Variants in ZNF605 observed in about 807,000 individuals in gnomAD.
ZNF605 encodes zinc finger protein 605.
Under a neutral mutation model 7.9 loss-of-function variants are expected in ZNF605, and 9 were observed. The observed-to-expected ratio is 1.14, with a 90% CI of 0.68 to 1.98. ZNF605 has a LOEUF of 1.98. Ranked by LOEUF, ZNF605 falls within the 30% of genes most tolerant of loss-of-function variation. ZNF605 has a pLI of 0.00. For synonymous variants in ZNF605, 255 were observed against 260.1 expected, an observed-to-expected ratio of 0.98 and a Z score of 0.19; for missense variants, 673 against 762.4, an observed-to-expected ratio of 0.88 and a Z score of 1.38.
intron 2 of ZNF605, among the ~76,000 whole-genome samples, chr12:132,947,621 T>A (rs979136200): frequency 6.6e-6 from 1 of 152,318 alleles, no homozygotes; most frequent in Admixed American, 6.5e-5. Context: ...CCTCGTTTAA[T>A]TTTTATTCAA....
chr12:132,927,107 T>C lies in ZNF605; in HGVS notation c.192A>G (p.Lys64=). 1.3e-6 allele frequency: 2 copies of C among 1,589,018 alleles called. No individual in the cohort carries two copies. The highest frequency in any genetic ancestry group is 2.2e-5 in the East Asian group (1 of 44,820). The change falls in exon 5 of 5, where the codon AAA becomes AAG. Residue 64 remains lysine (K), a synonymous_variant. Transcript: ENST00000360187. ...CATATTTATGGCCTCTCTCCATACT[T>C]TTAAGGTTGTCTTGATTATCTCGGA... The part of the protein sequence containing the change: ...MWLRDNQDNL[K]SMERGHKYDV...
intron 3 of ZNF605, among the ~76,000 whole-genome samples, chr12:132,938,961 T>C (rs1165401928): frequency 6.6e-6 from 1 of 151,808 alleles, no homozygotes; most frequent in Non-Finnish European, 1.5e-5. Context: ...CTGCGCTCGA[T>C]TTCTCACCGA....
At chr12:132,945,831 T>A in intron 2 of ZNF605, 34 bp from the exon 3 acceptor site, 1 of 744,650 alleles carries the variant, frequency 1.3e-6, no homozygotes, top group Non-Finnish European at 2.3e-6. Context: ...TTTTAGATGA[T>A]CTAATTAATT....
In ZNF605 at chr12:132,922,553, TA is replaced by T. The variant is rs1292396299; in HGVS notation, c.*2819del. On this transcript the variant is annotated 3_prime_UTR_variant, in exon 5 of 5. Coordinates refer to ENST00000360187, the MANE Select transcript of ZNF605 (RefSeq NM_183238.4). ...TGCGGCACTTGTACTGATAACTGATTATCACAATTTTATTAAATGCTCATCA... is the reference window on the plus strand; with the variant it reads ...TGCGGCACTTGTACTGATAACTGATTTCACAATTTTATTAAATGCTCATCA... The T allele has an allele frequency of 5.9e-5, 9 of 152,350 alleles. No homozygotes were observed. The East Asian group carries it at 1.7e-3, about 29-fold the overall frequency. The allele number at this position is 152,350 out of a possible 1,614,324, so 9.4% of individuals were successfully genotyped here. A position where few individuals can be genotyped will look rare whatever the true frequency, so the allele number is the denominator to read the frequency against.
At position 132,941,449 on chromosome 12, in the gene ZNF605, A is replaced by G. The variant is rs1952440191; in HGVS notation, c.15+4172T>C. On this transcript the variant is annotated intron_variant, in intron 3 of 4. Coordinates refer to ENST00000360187, the MANE Select transcript of ZNF605 (RefSeq NM_183238.4). This position sits in a 1 kb window ranked among gnomAD's most constrained non-coding sequence, Gnocchi z 5.1. Reference sequence around the variant, plus strand: ...CCCACACATTCCACTGACTTGGGCCACACTATCCAGGCCCGACATGACCAG... The same window carrying G: ...CCCACACATTCCACTGACTTGGGCCGCACTATCCAGGCCCGACATGACCAG... 6.6e-6 allele frequency among the ~76,000 whole-genome samples: 1 copy of G among 152,154 alleles called. No individual in the cohort carries two copies. Among genetic ancestry groups the G allele is most frequent in the Non-Finnish European group, 1.5e-5 (1 of 68,020 alleles).
rs550495034 is a variant in ZNF605, at chr12:132,921,119, A to G, written c.*4254T>C. 1 of 151,538 alleles carries G rather than the reference A, an allele frequency of 6.6e-6. No homozygotes were observed. Among genetic ancestry groups the G allele is most frequent in the Admixed American group, 6.6e-5 (1 of 15,186 alleles). 9.4% of individuals were successfully genotyped at this position (151,538 alleles called of 1,614,324 possible). On this transcript the variant is annotated 3_prime_UTR_variant, in exon 5 of 5. Transcript: ENST00000360187. ...TGGGATTACAGGCTTGCGTCACTGCACCCAGCCTCTCATGGCTAATTAAAT... is the reference window on the plus strand; with the variant it reads ...TGGGATTACAGGCTTGCGTCACTGCGCCCAGCCTCTCATGGCTAATTAAAT...
intron 3 of ZNF605, 101 bp downstream of exon 3, chr12:132,945,520 C>A (rs1236522044): frequency 2.0e-6 from 1 of 498,450 alleles, no homozygotes; most frequent in East Asian, 3.1e-5. Flanking sequence ...AAACCGATAA[C>A]CCACCTGTGA....
chr12:132,938,291 T>C (rs1401368944), intron 3 of ZNF605, among the ~76,000 whole-genome samples: 1 of 151,700 alleles, frequency 6.6e-6, no homozygotes, highest in Admixed American at 6.6e-5. Flanking sequence ...ATCCCATTTA[T>C]TTTTTTATTT....
intron 1 of ZNF605, among the ~76,000 whole-genome samples, chr12:132,954,543 C>G (rs904735964): frequency 1.7e-5 from 2 of 115,788 alleles, no homozygotes; most frequent in Admixed American, 9.6e-5. Context: ...CCAAGTCAGG[C>G]GCTCACAGAG....
At chr12:132,929,674 C>T (rs1048444091) in intron 4 of ZNF605, among the ~76,000 whole-genome samples, 5 of 152,108 alleles carry the variant, frequency 3.3e-5, no homozygotes, top group African/African-American at 7.2e-5. Context: ...AGGCCGGGTG[C>T]GGTGGCTCAC....
At chr12:132,944,305 C>CA (rs1231465785) in intron 3 of ZNF605, among the ~76,000 whole-genome samples, 2 of 151,350 alleles carry the variant, frequency 1.3e-5, no homozygotes, top group Non-Finnish European at 2.9e-5. Flanking sequence ...GACTGAACAT[C>CA]AAAAAAAGAA....
rs1375530440 is a variant in ZNF605, at chr12:132,927,093, C to T, written c.206G>A (p.Gly69Asp). 4.4e-6 allele frequency: 7 copies of T among 1,598,486 alleles called. No homozygotes were observed. In the East Asian group the frequency reaches 1.6e-4, roughly 36 times the overall value. ...NQDNLKSMER[G>D]HKYDVFGKIF... Reference sequence around the variant, plus strand: ...TTTTCCAAAAACATCATATTTATGGCCTCTCTCCATACTTTTAAGGTTGTC... The same window carrying T: ...TTTTCCAAAAACATCATATTTATGGTCTCTCTCCATACTTTTAAGGTTGTC... Residue 69 changes from glycine to aspartate, a missense_variant, in exon 5 of 5, where the codon GGC becomes GAC. Physicochemically the swap from Gly to Asp is moderately conservative, Grantham distance 94. Coordinates refer to ENST00000360187, the MANE Select transcript of ZNF605 (RefSeq NM_183238.4).
intron 3 of ZNF605, among the ~76,000 whole-genome samples, chr12:132,939,467 A>G (rs376831763): frequency 1.5e-4 from 23 of 152,150 alleles, no homozygotes; most frequent in Admixed American, 7.9e-4. Flanking sequence ...AGGTTTGTGA[A>G]TGCACCAATT....
chr12:132,951,972 C>T (rs1593606462), intron 1 of ZNF605, among the ~76,000 whole-genome samples: 2 of 151,192 alleles, frequency 1.3e-5, no homozygotes, highest in Admixed American at 6.7e-5. Context: ...CATACACACA[C>T]GTTCACACAC....
rs1422873230 is a variant in ZNF605, at chr12:132,938,761, A to G, written c.16-5606T>C. On this transcript the variant is annotated intron_variant, in intron 3 of 4. Transcript: ENST00000360187. ...TGCAGGGAGGTGTGGAGGGAGAGGC[A>G]CGAGCGGGAACCGGGGCTGTGTGCG... Among the ~76,000 whole-genome samples the G allele has an allele frequency of 6.6e-5, 10 of 152,128 alleles. No homozygotes were observed. The East Asian group carries it at 1.7e-3, about 27-fold the overall frequency.
chr12:132,946,861 C>T (rs753960100), intron 2 of ZNF605, among the ~76,000 whole-genome samples: 53 of 152,302 alleles, frequency 3.5e-4, no homozygotes, highest in Non-Finnish European at 6.5e-4. Flanking sequence ...CCTTCCCTCA[C>T]GCGCATCTCC....
At chr12:132,951,195 CACACTCAG>C in intron 1 of ZNF605, among the ~76,000 whole-genome samples, 1 of 151,774 alleles carries the variant, frequency 6.6e-6, no homozygotes, top group African/African-American at 2.4e-5. Flanking sequence ...GACATGCACA[CACACTCAG>C]ACACACTGAT....
In ZNF605 at chr12:132,920,295, T is replaced by C; in HGVS notation, c.*5078A>G. ...GCTGGGACTACAGGCGCTGGCCACC[T>C]CACCTGGCTAATTTTTTGTATTTTT... On this transcript the variant is annotated 3_prime_UTR_variant, in exon 5 of 5. Transcript: ENST00000360187. The C allele has an allele frequency of 6.6e-6, 1 of 152,044 alleles. No individual in the cohort carries two copies. The highest frequency in any genetic ancestry group is 1.5e-5 in the Non-Finnish European group (1 of 68,116). The allele number at this position is 152,044 out of a possible 1,614,324, so 9.4% of individuals were successfully genotyped here.
chr12:132,923,474 G>C lies in ZNF605; in HGVS notation c.*1899C>G, dbSNP rs1952220640. On this transcript the variant is annotated 3_prime_UTR_variant, in exon 5 of 5. Coordinates refer to ENST00000360187, the MANE Select transcript of ZNF605 (RefSeq NM_183238.4). The stretch of plus-strand genomic sequence containing the variant: ...GACAGTAACAGAATTCTAGGTTGCA[G>C]GGTTTGTTGTTTATTTCATTAAGGA... 1 of 152,174 alleles carries C rather than the reference G, an allele frequency of 6.6e-6. No individual in the cohort carries two copies. The highest frequency in any genetic ancestry group is 2.4e-5 in the African/African-American group (1 of 41,442). The allele number at this position is 152,174 out of a possible 1,614,324, so 9.4% of individuals were successfully genotyped here.
Sources: gnomAD v4.1 joint callset for allele counts (sites outside exome capture counted in the v4.1 genomes callset) on GRCh38, gnomAD v4.1.1 for gene constraint, Gnocchi (gnomAD v3.1) non-coding constraint, MANE v1.5 for transcripts, NCBI Gene and HGNC (gene_info 2026-07-23, HGNC 2026-07-21) for gene names.